Variants in PHYH observed in about 807,000 individuals in gnomAD.
The protein encoded by PHYH is phytanoyl-CoA 2-hydroxylase, also known as phytanoyl-CoA dioxygenase, peroxisomal.
In PHYH, 32 loss-of-function variants were observed where a neutral mutation model predicts 38.5. That is an observed-to-expected ratio of 0.83 (90% CI 0.63 to 1.12). The LOEUF is 1.12. Ranked by LOEUF, PHYH falls within the 50% of genes most tolerant of loss-of-function variation. The probability of loss-of-function intolerance (pLI) is 0.00; values close to 1 mark genes in which losing one functional copy is unlikely to be tolerated. For synonymous variants in PHYH, 166 were observed against 157.9 expected, an observed-to-expected ratio of 1.05 and a Z score of -0.38; for missense variants, 426 against 434.8, an observed-to-expected ratio of 0.98 and a Z score of 0.18.
intron 3 of PHYH, chr10:13,294,924 T>G: frequency 2.6e-6 from 1 of 385,538 alleles, no homozygotes; most frequent in Non-Finnish European, 4.9e-6. Context: ...TATTTCACCG[T>G]ATTTAGTCCT....
At chr10:13,298,307 C>A in intron 1 of PHYH, 62 bp from the exon 2 acceptor site, 1 of 1,013,608 alleles carries the variant, frequency 9.9e-7, no homozygotes, top group South Asian at 1.3e-5. Context: ...TGGCTCATGC[C>A]TGTAATTCCA....
intron 1 of PHYH, among the ~76,000 whole-genome samples, chr10:13,298,636 G>T (rs1832640869): frequency 6.6e-6 from 1 of 151,728 alleles, no homozygotes; most frequent in Non-Finnish European, 1.5e-5. Flanking sequence ...GGGAGGTGGA[G>T]ATTGCAGTGA....
At chr10:13,289,289 A>G (rs11258309) in intron 5 of PHYH, among the ~76,000 whole-genome samples, 40,793 of 151,740 alleles carry the variant, frequency 0.27, 5,536 homozygotes, top group South Asian at 0.35. Context: ...TCCGCCTCCC[A>G]GGTTCACGCC....
At chr10:13,290,739 CTCAA>C (rs1223776224) in intron 5 of PHYH, among the ~76,000 whole-genome samples, 1 of 152,094 alleles carries the variant, frequency 6.6e-6, no homozygotes, top group Non-Finnish European at 1.5e-5. Context: ...GGTTATATTT[CTCAA>C]TCAGTCTGTC....
rs200600432 is a variant in PHYH at position 13,280,973 on chromosome 10, T to C, written c.963+3A>G. On this transcript the variant is annotated splice_donor_region_variant and intron_variant, in intron 8 of 8. Coordinates refer to ENST00000263038, the MANE Select transcript of PHYH (RefSeq NM_006214.4). ...TTTACCTTGCTATTGTATACAAACA[T>C]ACCTTCAAGTTCACGCTATTTTCAG... The C allele has an allele frequency of 2.5e-6, 4 of 1,613,786 alleles. No individual in the cohort carries two copies. The African/African-American group carries it at 5.3e-5, about 22-fold the overall frequency.
chr10:13,298,770 A>ACTACTACTG (rs1554785647), intron 1 of PHYH, among the ~76,000 whole-genome samples: 4 of 120,584 alleles, frequency 3.3e-5, no homozygotes, highest in African/African-American at 5.9e-5. Flanking sequence ...TACTGCTACT[A>ACTACTACTG]CTACTACTAC....
chr10:13,286,127 G>A (rs1835543045), intron 6 of PHYH, among the ~76,000 whole-genome samples: 1 of 152,004 alleles, frequency 6.6e-6, no homozygotes, highest in South Asian at 2.1e-4. Context: ...GCCCAGGCTG[G>A]TCCTGAACTC....
intron 8 of PHYH, among the ~76,000 whole-genome samples, chr10:13,280,277 T>C (rs368199768): frequency 2.6e-5 from 4 of 151,978 alleles, no homozygotes; most frequent in East Asian, 3.9e-4. Context: ...ATAAATACTC[T>C]ATTCTATATT....
rs759764576 is a variant in PHYH, at chr10:13,280,270, A to G, written c.963+706T>C. Among the ~76,000 whole-genome samples, 62 of 151,924 alleles carry G rather than the reference A, an allele frequency of 4.1e-4. 1 individual carries two copies. Among genetic ancestry groups the G allele is most frequent in the Non-Finnish European group, 7.7e-4 (52 of 67,934 alleles). ...GCGTGAGCCACCTCGCCCAGCCATA[A>G]ATACTCTATTCTATATTAATAAACA... On this transcript the variant is annotated intron_variant, in intron 8 of 8. Transcript: ENST00000263038.
At chr10:13,298,817 G>A (rs1480059897) in intron 1 of PHYH, among the ~76,000 whole-genome samples, 1 of 147,530 alleles carries the variant, frequency 6.8e-6, no homozygotes, top group Non-Finnish European at 1.5e-5. Flanking sequence ...GGGAGGCTGA[G>A]GCAGGGGAAT....
intron 6 of PHYH, 146 bp downstream of exon 6, chr10:13,288,214 T>G (rs1835602566): frequency 1.4e-6 from 1 of 730,248 alleles, no homozygotes; most frequent in African/African-American, 1.8e-5. Context: ...TCCTTGAACT[T>G]TCTCTGATCC....
At chr10:13,299,091 C>T (rs1832668903) in intron 1 of PHYH, among the ~76,000 whole-genome samples, 1 of 147,574 alleles carries the variant, frequency 6.8e-6, no homozygotes. Context: ...CGTACCACTA[C>T]TGCACTCCAG....
rs36019637 is a variant in PHYH at position 13,288,922 on chromosome 10, C to CAA, written c.497-383_497-382dup. ...CGAGTCCCTGTCCCCCACCCCCAAC[C>CAA]AAAAAAAAAAAAAAAAAAAAAAAAA... On this transcript the variant is annotated intron_variant, in intron 5 of 8. Transcript: ENST00000263038. 3.0e-3 allele frequency among the ~76,000 whole-genome samples: 122 copies of CAA among 40,926 alleles called. 8 individuals carry two copies. The highest frequency in any genetic ancestry group is 5.1e-3 in the African/African-American group (47 of 9,144). 26.8% of individuals were successfully genotyped at this position (40,926 alleles called of 152,430 possible). A position where few individuals can be genotyped will look rare whatever the true frequency, so the allele number is the denominator to read the frequency against.
chr10:13,284,048 C>G (rs1198315136), intron 6 of PHYH, among the ~76,000 whole-genome samples: 1 of 152,140 alleles, frequency 6.6e-6, no homozygotes, highest in Non-Finnish European at 1.5e-5. Flanking sequence ...TTTGGCCGGG[C>G]ATGGTGGTTC....
intron 6 of PHYH, among the ~76,000 whole-genome samples, chr10:13,285,055 C>G (rs1329582588): frequency 1.3e-5 from 2 of 152,190 alleles, no homozygotes; most frequent in African/African-American, 4.8e-5. Context: ...CAGTTGCATG[C>G]ACCAAACTTT....
chr10:13,294,387 A>G, intron 4 of PHYH, 41 bp downstream of exon 4: 1 of 1,597,932 alleles, frequency 6.3e-7, no homozygotes. Flanking sequence ...AGACATACAC[A>G]CTGGCAATTA....
chr10:13,285,824 G>A (rs1241539957), intron 6 of PHYH, among the ~76,000 whole-genome samples: 3 of 151,018 alleles, frequency 2.0e-5, no homozygotes, highest in Non-Finnish European at 4.4e-5. Context: ...GGCTGGTCTC[G>A]AACTCCTGAC....
At chr10:13,299,652 C>T (rs1292613956) in intron 1 of PHYH, 3 of 1,180,376 alleles carry the variant, frequency 2.5e-6, no homozygotes, top group East Asian at 4.9e-5. Context: ...GGACAGCTGC[C>T]GGGGTCACGC....
Position 13,278,255 on chromosome 10 carries a change from G to GTTTGGT in PHYH, c.*40_*45dup. ...AGAAAACATTTTCCTTAGACATTTC[G>GTTTGGT]TTTGGTTTTGGTTTTCTGTTGAAAG... On this transcript the variant is annotated 3_prime_UTR_variant, in exon 9 of 9. Coordinates refer to ENST00000263038, the MANE Select transcript of PHYH (RefSeq NM_006214.4). The GTTTGGT allele has an allele frequency of 7.9e-7, 1 of 1,273,162 alleles. No homozygotes were observed. The highest frequency in any genetic ancestry group is 1.5e-5 in the African/African-American group (1 of 68,418). The allele number at this position is 1,273,162 out of a possible 1,614,324, so 78.9% of individuals were successfully genotyped here. A position where few individuals can be genotyped will look rare whatever the true frequency, so the allele number is the denominator to read the frequency against.
Sources: gnomAD v4.1 joint callset for allele counts (sites outside exome capture counted in the v4.1 genomes callset) on GRCh38, gnomAD v4.1.1 for gene constraint, MANE v1.5 for transcripts, NCBI Gene and HGNC (gene_info 2026-07-23, HGNC 2026-07-21) for gene names.